The following SLC12A5 variants were observed in gnomAD, a reference collection of about 807,000 sequenced individuals.
SLC12A5 encodes the protein solute carrier family 12 member 5.
A neutral mutation model predicts 124.0 loss-of-function variants in SLC12A5; 18 were observed. That is an observed-to-expected ratio of 0.15 (90% confidence interval 0.10 to 0.22). The LOEUF is 0.22. Among genes scored for constraint, SLC12A5 ranks in the 10% least tolerant of loss-of-function variants. SLC12A5 has a pLI of 1.00. For missense variants in SLC12A5, 867 were observed against 1,478.7 expected (o/e 0.59, Z 6.78); for synonymous variants, 589 against 568.0 (o/e 1.04, Z -0.53).
chr20:46,058,823 T>G lies in SLC12A5; in HGVS notation c.*1218T>G. The G allele has an allele frequency of 2.5e-6, 1 of 397,892 alleles. No homozygotes were observed. The highest frequency in any genetic ancestry group is 4.4e-6 in the Non-Finnish European group (1 of 226,128). 24.6% of individuals were successfully genotyped at this position (397,892 alleles called of 1,614,324 possible). ...CCGTGATGTTCCTCCCCCGTCCCCA[T>G]CTGGCAGCTCCTGTCTCGCCTGAGG... On this transcript the variant is annotated 3_prime_UTR_variant, in exon 26 of 26. Transcript: ENST00000243964. The surrounding 1 kb of genome is among the most constrained non-coding windows in gnomAD (Gnocchi z 5.8).
chr20:46,049,965 C>G (rs1231154796), intron 17 of SLC12A5, among the ~76,000 whole-genome samples, 175 bp downstream of exon 17: 1 of 152,158 alleles, frequency 6.6e-6, no homozygotes, highest in Non-Finnish European at 1.5e-5. Context: ...CTTTAGAATT[C>G]AACTCACAGC....
Position 46,046,320 on chromosome 20 carries a change from G to A in SLC12A5, c.1689-18G>A, listed in dbSNP as rs765727028. On this transcript the variant is annotated intron_variant, in intron 13 of 25. Transcript: ENST00000243964. ...CCCTTTGCATCTCTGTCTCCCCTGG[G>A]GCCTTCCTGTGTTCCAGGTTCTTCC... is the stretch of plus-strand genomic sequence containing the variant. The A allele has an allele frequency of 6.2e-7, 1 of 1,610,226 alleles. No homozygotes were observed. Among genetic ancestry groups the A allele is most frequent in the Non-Finnish European group, 8.5e-7 (1 of 1,176,652 alleles).
At chr20:46,050,574 T>C (rs529753520) in intron 17 of SLC12A5, among the ~76,000 whole-genome samples, 3 of 152,332 alleles carry the variant, frequency 2.0e-5, no homozygotes, top group African/African-American at 7.2e-5. Context: ...CCCGATGGCT[T>C]GCGACAGTCG....
chr20:46,051,789 C>A lies in SLC12A5; in HGVS notation c.2296C>A (p.Leu766Met), dbSNP rs753106879. The change falls in exon 18 of 26, where the codon CTG becomes ATG. Residue 766 changes from leucine (L) to methionine (M), a missense_variant. Physicochemically the swap from Leu to Met is conservative, Grantham distance 15. Transcript: ENST00000243964. ...GATCCAGTCCGGGGGCCTCGGGGGG[C>A]TGCAGCACAACACTGTGCTTGTTGG... ...HLIQSGGLGG[L>M]QHNTVLVGWP... The A allele has an allele frequency of 5.4e-5, 87 of 1,607,886 alleles. No individual in the cohort carries two copies. Among genetic ancestry groups the A allele is most frequent in the Non-Finnish European group, 7.4e-5 (87 of 1,177,578 alleles).
Position 46,056,599 on chromosome 20 carries a change from G to T in SLC12A5, c.3110+35G>T. ...TGGGGGCTAAGGGCTGGGGGCTGGG[G>T]TGAGCTAAAGGGTCTTGCTCCCCAT... On this transcript the variant is annotated intron_variant, in intron 23 of 25. Transcript: ENST00000243964. This position sits in a 1 kb window ranked among gnomAD's most constrained non-coding sequence, Gnocchi z 4.3. 1.3e-6 allele frequency: 2 copies of T among 1,597,316 alleles called. No homozygotes were observed. The highest frequency in any genetic ancestry group is 1.1e-5 in the South Asian group (1 of 89,222).
chr20:46,059,618 C>G lies in SLC12A5; in HGVS notation c.*2013C>G, dbSNP rs2084733620. On this transcript the variant is annotated 3_prime_UTR_variant, in exon 26 of 26. Coordinates refer to ENST00000243964, the MANE Select transcript of SLC12A5 (RefSeq NM_020708.5). The stretch of plus-strand genomic sequence containing the variant: ...GCCCAGATTGTCTGGTTGGCAAGAG[C>G]AAAGTTTCCGTTGATGAAACAGACA... 5.0e-6 allele frequency: 2 copies of G among 398,966 alleles called. No homozygotes were observed. Among genetic ancestry groups the G allele is most frequent in the Admixed American group, 8.8e-5 (2 of 22,724 alleles). 24.7% of individuals were successfully genotyped at this position (398,966 alleles called of 1,614,324 possible). A position where few individuals can be genotyped will look rare whatever the true frequency, so the allele number is the denominator to read the frequency against.
At chr20:46,049,266 G>C (rs1230338442) in intron 16 of SLC12A5, among the ~76,000 whole-genome samples, 1 of 152,242 alleles carries the variant, frequency 6.6e-6, no homozygotes, top group African/African-American at 2.4e-5. Flanking sequence ...AGATGGATAA[G>C]TTTATGTACA....
Position 46,058,549 on chromosome 20 carries a change from C to A in SLC12A5, c.*944C>A. ...GCCAGGATAGGGGAGGGGTGCTCCT[C>A]AAGAGGAAGAAACCGAGAGGCCCGC... On this transcript the variant is annotated 3_prime_UTR_variant, in exon 26 of 26. Transcript: ENST00000243964. The surrounding 1 kb of genome is among the most constrained non-coding windows in gnomAD (Gnocchi z 5.8). The A allele has an allele frequency of 2.5e-6, 1 of 399,148 alleles. No homozygotes were observed. Among genetic ancestry groups the A allele is most frequent in the East Asian group, 3.6e-5 (1 of 28,050 alleles). 24.7% of individuals were successfully genotyped at this position (399,148 alleles called of 1,614,324 possible). A position where few individuals can be genotyped will look rare whatever the true frequency, so the allele number is the denominator to read the frequency against.
intron 3 of SLC12A5, 56 bp downstream of exon 3, chr20:46,035,591 A>C: frequency 1.7e-6 from 1 of 590,620 alleles, no homozygotes; most frequent in Non-Finnish European, 2.8e-6. Flanking sequence ...GGGGTGGGGG[A>C]GGATGGGGGA....
chr20:46,054,996 T>C lies in SLC12A5; in HGVS notation c.2760T>C (p.His920=), dbSNP rs1600605834. The C allele has an allele frequency of 6.2e-7, 1 of 1,613,862 alleles. No homozygotes were observed. The highest frequency in any genetic ancestry group is 8.5e-7 in the Non-Finnish European group (1 of 1,179,946). ...GTTCCCAGATCCTCAAACAGATGCA[T>C]TTAACCAAGAATGAGCGGGAGCGGG... ...EQRSQILKQM[H]LTKNEREREI... Residue 920 remains histidine (H), a synonymous_variant, in exon 21 of 26, where the codon CAT becomes CAC. Transcript: ENST00000243964.
In SLC12A5 at chr20:46,051,749, T is replaced by C; in HGVS notation, c.2256T>C (p.Asp752=). The C allele has an allele frequency of 6.2e-7, 1 of 1,611,432 alleles. No individual in the cohort carries two copies. ...CQVVISSNLR[D]GVSHLIQSGG... is the part of the protein sequence containing the mutation. Reference sequence around the variant, plus strand: ...TGGTGATCTCCTCCAACTTGCGTGATGGCGTGTCCCATCTGATCCAGTCCG... The same window carrying C: ...TGGTGATCTCCTCCAACTTGCGTGACGGCGTGTCCCATCTGATCCAGTCCG... Residue 752 remains aspartate (D), a synonymous_variant, in exon 18 of 26, where the codon GAT becomes GAC. Transcript: ENST00000243964.
chr20:46,029,904 ATG>A (rs59849093), intron 1 of SLC12A5, among the ~76,000 whole-genome samples: 57,883 of 125,896 alleles, frequency 0.46, 12,805 homozygotes, highest in Middle Eastern at 0.6. Context: ...GCGCGTGCGT[ATG>A]TGTGTGTGTG....
rs145669712 is a variant in SLC12A5, at chr20:46,043,777, A to G, written c.1336+46A>G. 5.5e-5 allele frequency: 88 copies of G among 1,613,034 alleles called. No homozygotes were observed. In the African/African-American group the frequency reaches 1.0e-3, roughly 19 times the overall value. Reference sequence around the variant, plus strand: ...GGGACCACCCTCGGGGGAGGGCAAGAGGGAGGGCAGCTGAACTTGCTGCCT... The same window carrying G: ...GGGACCACCCTCGGGGGAGGGCAAGGGGGAGGGCAGCTGAACTTGCTGCCT... On this transcript the variant is annotated intron_variant, in intron 10 of 25. Coordinates refer to ENST00000243964, the MANE Select transcript of SLC12A5 (RefSeq NM_020708.5).
At chr20:46,029,914 G>T (rs1459014434) in intron 1 of SLC12A5, among the ~76,000 whole-genome samples, 3 of 41,116 alleles carry the variant, frequency 7.3e-5, no homozygotes, top group Middle Eastern at 0.026. Flanking sequence ...ATGTGTGTGT[G>T]TGCGTGTGTG....
chr20:46,023,347 AC>A (rs1040475431), intron 2 of SLC12A5: 13 of 398,308 alleles, frequency 3.3e-5, no homozygotes, highest in Non-Finnish European at 4.9e-5. Context: ...GCCATTCTCA[AC>A]CCTTCCTTTT....
chr20:46,031,636 C>G (rs993108040), intron 1 of SLC12A5, among the ~76,000 whole-genome samples: 6 of 152,218 alleles, frequency 3.9e-5, no homozygotes, highest in Admixed American at 6.5e-5. Flanking sequence ...CGCCCCGTCT[C>G]CCTCTCGGAC....
upstream of SLC12A5, among the ~76,000 whole-genome samples, chr20:46,027,479 C>T (rs187264547): frequency 3.3e-5 from 5 of 152,214 alleles, no homozygotes; most frequent in African/African-American, 9.7e-5. Context: ...TCCTATACCC[C>T]GGTCTCCAGG....
intron 1 of SLC12A5, chr20:46,022,108 C>T (rs1054046929): frequency 6.1e-6 from 3 of 489,992 alleles, no homozygotes; most frequent in Non-Finnish European, 1.0e-5. Context: ...GTGGGCGTGG[C>T]CACGAGGGAA....
chr20:46,043,108 T>G (rs2084562249), intron 8 of SLC12A5, 45 bp from the exon 9 acceptor site: 1 of 1,593,190 alleles, frequency 6.3e-7, no homozygotes, highest in African/African-American at 1.3e-5. Flanking sequence ...AGAGCTCTGG[T>G]CCCCTTATGG....
Sources: gnomAD v4.1 joint callset for allele counts (sites outside exome capture counted in the v4.1 genomes callset) on GRCh38, gnomAD v4.1.1 for gene constraint, Gnocchi (gnomAD v3.1) non-coding constraint, MANE v1.5 for transcripts, NCBI Gene and HGNC (gene_info 2026-07-23, HGNC 2026-07-21) for gene names.